The following ABCA2 variants were observed in gnomAD, a reference collection of about 807,000 sequenced individuals.
ABCA2 encodes ATP-binding cassette sub-family A member 2.
A neutral mutation model predicts 262.8 loss-of-function variants in ABCA2; 84 were observed. The observed-to-expected ratio is 0.32, with a 90% confidence interval of 0.27 to 0.38. The LOEUF (loss-of-function observed/expected upper bound fraction) is 0.38. Among genes scored for constraint, ABCA2 ranks in the 10% least tolerant of loss-of-function variants. The probability of loss-of-function intolerance (pLI) is 1.00; values close to 1 mark genes in which losing one functional copy is unlikely to be tolerated. For synonymous variants in ABCA2, 1,696 were observed against 1,502.9 expected (o/e 1.13, Z -2.97); for missense variants, 2,662 against 3,405.9 (o/e 0.78, Z 5.44).
chr9:137,019,424 C>CTTT lies in ABCA2; in HGVS notation c.1426-121_1426-119dup, dbSNP rs35180161. 3.6e-4 allele frequency: 328 copies of CTTT among 905,346 alleles called. No individual in the cohort carries two copies. The highest frequency in any genetic ancestry group is 1.2e-3 in the Middle Eastern group (4 of 3,248). The allele number at this position is 905,346 out of a possible 1,614,324, so 56.1% of individuals were successfully genotyped here. On this transcript the variant is annotated intron_variant, in intron 10 of 48. Transcript: ENST00000341511. This position sits in a 1 kb window ranked among gnomAD's most constrained non-coding sequence, Gnocchi z 4.4. ...ATTGCCAACAACTAACCCTCCCCAC[C>CTTT]TTTTTTTTTTTTTTTTTCCTGAGAC...
At position 137,019,484 on chromosome 9, in the gene ABCA2, G is replaced by A. The variant is rs1179778190; in HGVS notation, c.1426-178C>T. 1.5e-6 allele frequency: 1 copy of A among 670,910 alleles called. No homozygotes were observed. The highest frequency in any genetic ancestry group is 2.4e-6 in the Non-Finnish European group (1 of 413,046). The allele number at this position is 670,910 out of a possible 1,614,324, so 41.6% of individuals were successfully genotyped here. A position where few individuals can be genotyped will look rare whatever the true frequency, so the allele number is the denominator to read the frequency against. On this transcript the variant is annotated intron_variant, in intron 10 of 48. Coordinates refer to ENST00000341511, the MANE Select transcript of ABCA2 (RefSeq NM_001606.5). This position sits in a 1 kb window ranked among gnomAD's most constrained non-coding sequence, Gnocchi z 4.4. Reference sequence around the variant, plus strand: ...GTCACCCACGCTGGAGTGCAGTGGTGCAGTCCCAGCTCACTGCAGCCTCCA... The same window carrying A: ...GTCACCCACGCTGGAGTGCAGTGGTACAGTCCCAGCTCACTGCAGCCTCCA...
intron 1 of ABCA2, 140 bp downstream of exon 1, chr9:137,027,935 G>A (rs1446077629): frequency 4.1e-6 from 1 of 243,544 alleles, no homozygotes; most frequent in Admixed American, 6.6e-5. Context: ...CCGGCGGGGA[G>A]GGGGCTCGGG....
Position 137,018,896 on chromosome 9 carries a change from C to A in ABCA2, c.1722+7G>T, listed in dbSNP as rs757770496. ...TCGTGGGTTGGCTCGGAGGCCCCACCGCTCACCTTGGACATGAACTGGATC... is the reference window on the plus strand; with the variant it reads ...TCGTGGGTTGGCTCGGAGGCCCCACAGCTCACCTTGGACATGAACTGGATC... On this transcript the variant is annotated splice_region_variant and intron_variant, in intron 12 of 48. Coordinates refer to ENST00000341511, the MANE Select transcript of ABCA2 (RefSeq NM_001606.5). 5 of 1,612,116 alleles carry A rather than the reference C, an allele frequency of 3.1e-6. No homozygotes were observed. The highest frequency in any genetic ancestry group is 1.7e-5 in the Admixed American group (1 of 59,976).
rs747369900 is a variant in ABCA2, at chr9:137,021,463, G to A, written c.826C>T (p.Arg276Cys). ...GACAGCCCAGAGAAGCGCCTGGCAC[G>A]CGCAGCAGCCTGCCCACTGCAGACA... The part of the protein sequence containing the change: ...DAVCSGQAAA[R>C]ARRFSGLSAE... Residue 276 changes from arginine to cysteine, a missense_variant, in exon 8 of 49, where the codon CGT (arginine) becomes TGT (cysteine). Arg to Cys is a radical substitution (Grantham distance 180). This residue lies in a region of ABCA2 where 403 missense variants were observed against 375.9 expected (regional missense o/e 1.07). Coordinates refer to ENST00000341511, the MANE Select transcript of ABCA2 (RefSeq NM_001606.5). This position sits in a 1 kb window ranked among gnomAD's most constrained non-coding sequence, Gnocchi z 6.0. 4 of 1,612,004 alleles carry A rather than the reference G, an allele frequency of 2.5e-6. No homozygotes were observed. The highest frequency in any genetic ancestry group is 2.7e-5 in the African/African-American group (2 of 74,928).
rs1305096669 is a variant in ABCA2 at position 137,015,949 on chromosome 9, C to G, written c.3317+13G>C. ...TCCGCCCACCTGCCCCGCCCCCCGC[C>G]CAGCCCACCCACTTGTCCATCTCTC... On this transcript the variant is annotated intron_variant, in intron 22 of 48. Transcript: ENST00000341511. The G allele has an allele frequency of 3.6e-6, 2 of 563,126 alleles. No individual in the cohort carries two copies. Among genetic ancestry groups the G allele is most frequent in the African/African-American group, 1.9e-5 (1 of 52,950 alleles). The allele number at this position is 563,126 out of a possible 1,614,324, so 34.9% of individuals were successfully genotyped here.
chr9:137,010,693 A>G lies in ABCA2; in HGVS notation c.6101T>C (p.Val2034Ala), dbSNP rs1831006199. Residue 2034 changes from valine (V) to alanine (A), a missense_variant, in exon 40 of 49, where the codon GTG (valine) becomes GCG (alanine). Physicochemically the swap from Val to Ala is moderately conservative, Grantham distance 64 (BLOSUM62 0). This residue lies in a region of ABCA2 where 602 missense variants were observed against 897.4 expected (regional missense o/e 0.67). Transcript: ENST00000341511. ...STKPVEDDVD[V>A]ASERQRVLRG... ...GAGCACTCGCTGCCGCTCACTGGCC[A>G]CGTCCACATCATCCTCCACAGGCTT... 6.2e-7 allele frequency: 1 copy of G among 1,605,070 alleles called. No homozygotes were observed. The highest frequency in any genetic ancestry group is 8.5e-7 in the Non-Finnish European group (1 of 1,175,848).
rs377172106 is a variant in ABCA2 at position 137,009,801 on chromosome 9, C to T, written c.6598G>A (p.Ala2200Thr). The T allele has an allele frequency of 1.2e-6, 2 of 1,612,228 alleles. No homozygotes were observed. The highest frequency in any genetic ancestry group is 8.5e-7 in the Non-Finnish European group (1 of 1,179,598). ...GNKRKLSTAI[A>T]LIGYPAFIFL... is the part of the protein sequence containing the mutation. The stretch of plus-strand genomic sequence containing the variant: ...ATGAAGGCTGGGTACCCAATGAGGG[C>T]GATGGCCGTGGAGAGCTTCCGCTTG... Residue 2200 changes from alanine (A) to threonine (T), a missense_variant, in exon 43 of 49, where the codon GCC becomes ACC. By Grantham distance (58) the Ala-to-Thr change is moderately conservative (BLOSUM62 0). Transcript: ENST00000341511.
In ABCA2 at chr9:137,014,748, C is replaced by T. The variant is rs753150649; in HGVS notation, c.3945G>A (p.Leu1315=). The change falls in exon 26 of 49, where the codon CTG becomes CTA. Residue 1315 remains leucine, a synonymous_variant. Coordinates refer to ENST00000341511, the MANE Select transcript of ABCA2 (RefSeq NM_001606.5). ...LSSFGLMDTT[L]EEVFLKVSEE... ...CCGACACCTTGAGGAACACTTCCTC[C>T]AGGGTCGTGTCCATCAGCCCGAAGC... 26 of 1,601,480 alleles carry T rather than the reference C, an allele frequency of 1.6e-5. No homozygotes were observed. The Admixed American group carries it at 3.3e-4, about 20-fold the overall frequency.
intron 28 of ABCA2, 95 bp from the exon 29 acceptor site, chr9:137,013,658 G>C: frequency 1.4e-6 from 2 of 1,393,792 alleles, no homozygotes; most frequent in Admixed American, 4.1e-5. Context: ...AGGGATCCAC[G>C]CCTGGGGTCT....
rs1046012917 is a variant in ABCA2, at chr9:137,007,852, C to T, written c.*77G>A. On this transcript the variant is annotated 3_prime_UTR_variant, in exon 49 of 49. Coordinates refer to ENST00000341511, the MANE Select transcript of ABCA2 (RefSeq NM_001606.5). Reference sequence around the variant, plus strand: ...GGCCCTGGCAGGCACTGGGGGACTTCTGTCCCCATTGTTGAGTCCCTGGCC... The same window carrying T: ...GGCCCTGGCAGGCACTGGGGGACTTTTGTCCCCATTGTTGAGTCCCTGGCC... The T allele has an allele frequency of 6.4e-7, 1 of 1,571,478 alleles. No individual in the cohort carries two copies. Among genetic ancestry groups the T allele is most frequent in the South Asian group, 1.1e-5 (1 of 88,738 alleles).
chr9:137,009,752 AC>A lies in ABCA2; in HGVS notation c.6630+16del. ...GTCAAAGGCCAGGCAGCCACCCCCC[AC>A]CCACCCAGGACTTACCAGGAAGATG... On this transcript the variant is annotated intron_variant, in intron 43 of 48. Transcript: ENST00000341511. 1 of 1,594,246 alleles carries A rather than the reference AC, an allele frequency of 6.3e-7. No individual in the cohort carries two copies. The highest frequency in any genetic ancestry group is 8.6e-7 in the Non-Finnish European group (1 of 1,164,870).
chr9:137,013,411 G>A (rs751743315), intron 29 of ABCA2, 50 bp downstream of exon 29: 4 of 858,940 alleles, frequency 4.7e-6, no homozygotes, highest in South Asian at 1.5e-5. Flanking sequence ...GGCTGTCCCC[G>A]CCCCTTCACT....
At position 137,017,697 on chromosome 9, in the gene ABCA2, G is replaced by A. The variant is rs757138127; in HGVS notation, c.2212-5C>T. 18 of 1,607,482 alleles carry A rather than the reference G, an allele frequency of 1.1e-5. No individual in the cohort carries two copies. In the Admixed American group the frequency reaches 2.0e-4, roughly 18 times the overall value. On this transcript the variant is annotated splice_polypyrimidine_tract_variant and splice_region_variant and intron_variant, in intron 16 of 48. Transcript: ENST00000341511. ...CAGGCCCATGGTCTTCATCACCTGC[G>A]GGTGGGCCAGGGGCTTGGGGCAGGC...
At position 137,012,764 on chromosome 9, in the gene ABCA2, G is replaced by C; in HGVS notation, c.5029C>G (p.His1677Asp). 6.2e-7 allele frequency: 1 copy of C among 1,612,696 alleles called. No individual in the cohort carries two copies. Among genetic ancestry groups the C allele is most frequent in the African/African-American group, 1.3e-5 (1 of 75,064 alleles). ...TGDILTDITG[H>D]NVSEYLLFTS... ...AAGAGCAGGTACTCAGAGACATTGT[G>C]GCCGGTGATGTCGGTCAGGATGTCG... Residue 1677 changes from histidine to aspartate, a missense_variant, in exon 31 of 49, where the codon CAC becomes GAC. This residue lies in a region of ABCA2 where 602 missense variants were observed against 897.4 expected (regional missense o/e 0.67). Coordinates refer to ENST00000341511, the MANE Select transcript of ABCA2 (RefSeq NM_001606.5).
chr9:137,008,709 G>A lies in ABCA2; in HGVS notation c.7068+22C>T, dbSNP rs77580619. The A allele has an allele frequency of 4.1e-4, 643 of 1,568,986 alleles. 6 individuals carry two copies. In the East Asian group the frequency reaches 0.014, roughly 33 times the overall value. ...GTGAGGGGAGGGGCAGGTGTGGTGCGCAGTGCCCTTGGGGCGCTCACATTG... is the reference window on the plus strand; with the variant it reads ...GTGAGGGGAGGGGCAGGTGTGGTGCACAGTGCCCTTGGGGCGCTCACATTG... On this transcript the variant is annotated intron_variant, in intron 47 of 48. Coordinates refer to ENST00000341511, the MANE Select transcript of ABCA2 (RefSeq NM_001606.5).
intron 14 of ABCA2, 47 bp from the exon 15 acceptor site, chr9:137,018,122 T>C (rs1278720225): frequency 6.2e-7 from 1 of 1,609,934 alleles, no homozygotes; most frequent in Non-Finnish European, 8.5e-7. Flanking sequence ...CCTCTCGTCC[T>C]CACACCTGTC....
chr9:137,023,916 G>A (rs984365042), intron 2 of ABCA2, 76 bp from the exon 3 acceptor site: 1 of 1,157,344 alleles, frequency 8.6e-7, no homozygotes, highest in African/African-American at 1.5e-5. Flanking sequence ...ACCAGTGAGT[G>A]CCCACATCAC....
chr9:137,023,399 G>A, intron 3 of ABCA2: 1 of 710,190 alleles, frequency 1.4e-6, no homozygotes, highest in Admixed American at 1.8e-5. Flanking sequence ...AGAGCCCAGG[G>A]GAGGACAAAG....
chr9:137,015,476 G>A lies in ABCA2; in HGVS notation c.3635C>T (p.Thr1212Ile), dbSNP rs1224252563. 2 of 1,605,706 alleles carry A rather than the reference G, an allele frequency of 1.2e-6. No individual in the cohort carries two copies. Among genetic ancestry groups the A allele is most frequent in the East Asian group, 2.3e-5 (1 of 44,422 alleles). ...CGTGAGGCGGTACCCGTCGCCATAG[G>A]TGCCCTTGAGGAAGAGCGGGGAGCC... ...CCGSPLFLKG[T>I]YGDGYRLTLV... Residue 1212 changes from threonine to isoleucine, a missense_variant, in exon 24 of 49, where the codon ACC becomes ATC. Coordinates refer to ENST00000341511, the MANE Select transcript of ABCA2 (RefSeq NM_001606.5).
Sources: gnomAD v4.1 joint callset for allele counts on GRCh38, gnomAD v4.1.1 for gene constraint, gnomAD v4.1.1 regional missense constraint, Gnocchi (gnomAD v3.1) non-coding constraint, MANE v1.5 for transcripts, NCBI Gene and HGNC (gene_info 2026-07-23, HGNC 2026-07-21) for gene names.